Variants in GBP3 observed in about 807,000 individuals in gnomAD.
The protein encoded by GBP3 is guanylate binding protein 3.
In GBP3, 55 loss-of-function variants were observed where a neutral mutation model predicts 62.4. The ratio of observed to expected loss-of-function variants is 0.88; its 90% confidence interval spans 0.71 to 1.10. The LOEUF is 1.10. GBP3 is among the 50% of genes least tolerant of loss of function. GBP3 has a pLI of 0.00. For missense variants in GBP3, 605 were observed against 690.6 expected (o/e 0.88, Z 1.39); for synonymous variants, 208 against 259.2 (o/e 0.80, Z 1.90).
chr1:89,015,540 T>C, intron 2 of GBP3, 126 bp from the exon 3 acceptor site: 1 of 719,964 alleles, frequency 1.4e-6, no homozygotes, highest in Non-Finnish European at 2.1e-6. Context: ...AGTACTTACG[T>C]TACTTATAAT....
At chr1:89,007,898 A>T (rs752942863) in intron 10 of GBP3, 46 bp from the exon 11 acceptor site, 3 of 1,569,648 alleles carry the variant, frequency 1.9e-6, no homozygotes, top group Non-Finnish European at 2.6e-6. Context: ...CATTAAGTAA[A>T]TCTCTGTAAG....
At chr1:89,008,170 A>T (rs1678340836) in intron 10 of GBP3, among the ~76,000 whole-genome samples, 1 of 151,976 alleles carries the variant, frequency 6.6e-6, no homozygotes, top group Non-Finnish European at 1.5e-5. Context: ...CCTATGCATT[A>T]TAGACTTTTT....
chr1:89,021,466 C>G (rs561048066), intron 1 of GBP3, among the ~76,000 whole-genome samples: 1 of 150,268 alleles, frequency 6.7e-6, no homozygotes, highest in African/African-American at 2.5e-5. Context: ...AAATGCAAAA[C>G]TGCCAATACT....
At chr1:89,007,927 C>T in intron 10 of GBP3, 75 bp from the exon 11 acceptor site, 1 of 1,380,654 alleles carries the variant, frequency 7.2e-7, no homozygotes, top group Non-Finnish European at 9.9e-7. Context: ...TTTCCACATG[C>T]ATTGATTTAT....
Position 89,007,781 on chromosome 1 carries a change from T to C in GBP3, c.1731A>G (p.Leu577=). Residue 577 remains leucine (L), a synonymous_variant, in exon 11 of 11, where the codon CTA becomes CTG. Transcript: ENST00000370481. ...STQLQNEIQK[L]QKTLKKKTKR... ...TGGTTTTTTTTTTCAGGGTCTTCTG[T>C]AGCTTTTGTATCTCATTTTGAAGTT... is the stretch of plus-strand genomic sequence containing the variant. 1.2e-6 allele frequency: 2 copies of C among 1,613,636 alleles called. No individual in the cohort carries two copies. The highest frequency in any genetic ancestry group is 2.2e-5 in the South Asian group (2 of 91,064).
At chr1:89,020,214 G>A (rs1679104115) in intron 2 of GBP3, 4 of 408,676 alleles carry the variant, frequency 9.8e-6, no homozygotes, top group South Asian at 6.0e-5. Context: ...ACTCCAGCCT[G>A]GGGAAAGAGC....
intron 10 of GBP3, among the ~76,000 whole-genome samples, chr1:89,008,630 T>C (rs971760292): frequency 1.3e-5 from 2 of 151,642 alleles, no homozygotes; most frequent in Non-Finnish European, 2.9e-5. Flanking sequence ...TCCTAAGTAA[T>C]AGGGATAAAG....
chr1:89,016,722 G>A (rs1169770022), intron 2 of GBP3, among the ~76,000 whole-genome samples: 1 of 152,020 alleles, frequency 6.6e-6, no homozygotes, highest in Non-Finnish European at 1.5e-5. Flanking sequence ...CTACAGGCAC[G>A]TGACACCAGG....
Position 89,015,274 on chromosome 1 carries a change from C to A in GBP3, c.318+13G>T. ...TGAGGGGCTTATTTCAAAATTGAATCTTTGACCCTTACCTTCTTTACATCT... is the reference window on the plus strand; with the variant it reads ...TGAGGGGCTTATTTCAAAATTGAATATTTGACCCTTACCTTCTTTACATCT... On this transcript the variant is annotated intron_variant, in intron 3 of 10. Transcript: ENST00000370481. 6.3e-7 allele frequency: 1 copy of A among 1,586,286 alleles called. No individual in the cohort carries two copies. The highest frequency in any genetic ancestry group is 8.5e-7 in the Non-Finnish European group (1 of 1,169,844).
intron 2 of GBP3, among the ~76,000 whole-genome samples, chr1:89,017,445 C>T (rs1288195478): frequency 1.3e-5 from 2 of 151,850 alleles, no homozygotes; most frequent in Non-Finnish European, 2.9e-5. Context: ...GAAAAACAGA[C>T]AGTAAAAGGA....
intron 1 of GBP3, among the ~76,000 whole-genome samples, chr1:89,021,385 C>T (rs990434081): frequency 2.0e-5 from 3 of 152,058 alleles, no homozygotes; most frequent in Non-Finnish European, 4.4e-5. Flanking sequence ...GGGGCACGTG[C>T]AAGAGAGGGG....
intron 1 of GBP3, among the ~76,000 whole-genome samples, chr1:89,021,510 G>GCGCGCGCGCGCGCACACACACACA (rs751639388): frequency 1.5e-5 from 2 of 131,668 alleles, no homozygotes; most frequent in African/African-American, 6.0e-5. Context: ...GCGCGCGCGC[G>GCGCGCGCGCGCGCACACACACACA]CACACACACA....
intron 2 of GBP3, chr1:89,020,324 G>A (rs1346472734): frequency 1.6e-6 from 1 of 625,258 alleles, no homozygotes; most frequent in African/African-American, 1.8e-5. Context: ...GTAACTCATG[G>A]TGAACAGTCA....
chr1:89,013,872 TC>T (rs1678726579), intron 5 of GBP3: 1 of 530,064 alleles, frequency 1.9e-6, no homozygotes, highest in East Asian at 3.1e-5. Flanking sequence ...TAAAATCTAA[TC>T]TATTAATTTA....
intron 8 of GBP3, among the ~76,000 whole-genome samples, chr1:89,009,915 G>T (rs1009194385): frequency 1.3e-5 from 2 of 152,066 alleles, no homozygotes; most frequent in Non-Finnish European, 2.9e-5. Context: ...GACATTATTT[G>T]AAATCTTGGA....
Position 89,012,783 on chromosome 1 carries a change from T to C in GBP3, c.868+402A>G, listed in dbSNP as rs563850064. 1.1e-3 allele frequency among the ~76,000 whole-genome samples: 148 copies of C among 137,872 alleles called. 6 individuals carry two copies. The highest frequency in any genetic ancestry group is 3.6e-3 in the African/African-American group (145 of 40,446). 90.4% of individuals were successfully genotyped at this position (137,872 alleles called of 152,430 possible). On this transcript the variant is annotated intron_variant, in intron 6 of 10. Coordinates refer to ENST00000370481, the MANE Select transcript of GBP3 (RefSeq NM_018284.3). The stretch of plus-strand genomic sequence containing the variant: ...TTAGAAATGTTGGTGTCATCTAGAA[T>C]TTAGCACAAATGTAGCAGTAGATTG...
At chr1:89,013,627 G>T in intron 5 of GBP3, 200 bp from the exon 6 acceptor site, 2 of 585,232 alleles carry the variant, frequency 3.4e-6, no homozygotes, top group Non-Finnish European at 5.8e-6. Flanking sequence ...TAGAAAGACA[G>T]CTGGCAGGCA....
Position 89,008,931 on chromosome 1 carries a change from T to C in GBP3, c.1659+16A>G, listed in dbSNP as rs752891472. On this transcript the variant is annotated intron_variant, in intron 10 of 10. Transcript: ENST00000370481. ...GAAAACAGAAAAACGAACCACAAGG[T>C]GATGCATTTGGATACCTGAAGTTTA... 5 of 1,613,794 alleles carry C rather than the reference T, an allele frequency of 3.1e-6. No individual in the cohort carries two copies. Among genetic ancestry groups the C allele is most frequent in the Non-Finnish European group, 4.2e-6 (5 of 1,179,828 alleles).
At position 89,014,132 on chromosome 1, in the gene GBP3, T is replaced by C; in HGVS notation, c.576A>G (p.Gln192=). 1 of 1,614,164 alleles carries C rather than the reference T, an allele frequency of 6.2e-7. No individual in the cohort carries two copies. Among genetic ancestry groups the C allele is most frequent in the Non-Finnish European group, 8.5e-7 (1 of 1,180,016 alleles). ...CCAGGTACTCATCTGGTGTGAGGGG[T>C]TGTCCATCTGCTTCCAAGTCCAGGG... The part of the protein sequence containing the change: ...DFSLDLEADG[Q]PLTPDEYLEY... Residue 192 remains glutamine (Q), a synonymous_variant, in exon 5 of 11, where the codon CAA becomes CAG. Transcript: ENST00000370481.
Sources: allele counts gnomAD v4.1 joint callset (sites outside exome capture counted in the v4.1 genomes callset), GRCh38; gene constraint gnomAD v4.1.1; transcripts MANE v1.5; gene names NCBI Gene and HGNC (gene_info 2026-07-23, HGNC 2026-07-21).